The following PON3 variants were observed in gnomAD, a reference collection of about 807,000 sequenced individuals.
The protein encoded by PON3 is paraoxonase 3, also known as serum paraoxonase/lactonase 3.
PON3 carries 37 observed loss-of-function variants against 36.3 expected under a neutral mutation model. The ratio of observed to expected loss-of-function variants is 1.02; its 90% confidence interval spans 0.78 to 1.34. PON3 has a LOEUF of 1.34. Among genes scored for constraint, PON3 ranks in the 40% most tolerant of loss-of-function variants. The pLI is 0.00. For missense variants in PON3, 415 were observed against 426.5 expected, an observed-to-expected ratio of 0.97 and a Z score of 0.24; for synonymous variants, 155 against 154.8, an observed-to-expected ratio of 1.00 and a Z score of -0.01.
intron 3 of PON3, among the ~76,000 whole-genome samples, chr7:95,388,057 C>T (rs770613786): frequency 1.6e-4 from 24 of 148,002 alleles, no homozygotes; most frequent in Admixed American, 2.7e-4. Flanking sequence ...CAATAACACT[C>T]AGGACATAGG....
intron 3 of PON3, among the ~76,000 whole-genome samples, chr7:95,373,855 C>T (rs1808860099): frequency 6.6e-6 from 1 of 152,110 alleles, no homozygotes; most frequent in African/African-American, 2.4e-5. Context: ...AGACTGGTAC[C>T]TGTCCGTAGC....
At chr7:95,360,364 T>G (rs889695308) in intron 8 of PON3, among the ~76,000 whole-genome samples, 2 of 152,156 alleles carry the variant, frequency 1.3e-5, no homozygotes, top group Non-Finnish European at 2.9e-5. Context: ...ACTTACACAA[T>G]TTTTTTAGTG....
intron 3 of PON3, among the ~76,000 whole-genome samples, chr7:95,376,055 G>A (rs1808907190): frequency 6.6e-6 from 1 of 152,194 alleles, no homozygotes; most frequent in Admixed American, 6.5e-5. Flanking sequence ...TTGAGTTCAA[G>A]GATCTTGAAA....
intron 8 of PON3, among the ~76,000 whole-genome samples, chr7:95,361,562 C>T (rs1272086731): frequency 1.3e-5 from 2 of 152,134 alleles, no homozygotes; most frequent in Non-Finnish European, 2.9e-5. Context: ...TTCAAAGTTA[C>T]TATGTAATTT....
intron 3 of PON3, among the ~76,000 whole-genome samples, chr7:95,377,903 T>A (rs1033114257): frequency 2.0e-5 from 3 of 152,158 alleles, no homozygotes; most frequent in African/African-American, 7.2e-5. Flanking sequence ...GGATGAAGAA[T>A]GAGTTTGACA....
chr7:95,379,324 T>G (rs1437975323), intron 3 of PON3, among the ~76,000 whole-genome samples: 5 of 152,148 alleles, frequency 3.3e-5, no homozygotes, highest in African/African-American at 1.2e-4. Context: ...AGGTACCGGG[T>G]TCATCTCACT....
Position 95,380,338 on chromosome 7 carries a change from C to A in PON3, c.202-8000G>T, listed in dbSNP as rs534262950. On this transcript the variant is annotated intron_variant, in intron 3 of 8. Transcript: ENST00000265627. Reference sequence around the variant, plus strand: ...ATGCAGCTCCTCACCAGCAATGGAACAAAGCTGGATGGAAAAGGACTTTGA... The same window carrying A: ...ATGCAGCTCCTCACCAGCAATGGAAAAAAGCTGGATGGAAAAGGACTTTGA... Among the ~76,000 whole-genome samples, 6 of 152,276 alleles carry A rather than the reference C, an allele frequency of 3.9e-5. No individual in the cohort carries two copies. The South Asian group carries it at 1.0e-3, about 26-fold the overall frequency.
intron 3 of PON3, among the ~76,000 whole-genome samples, chr7:95,373,436 G>A (rs1166670329): frequency 6.6e-6 from 1 of 152,088 alleles, no homozygotes; most frequent in East Asian, 1.9e-4. Context: ...AGGGAAACCT[G>A]GCTTTTCCCA....
chr7:95,396,045 T>C, intron 1 of PON3: 1 of 582,870 alleles, frequency 1.7e-6, no homozygotes. Context: ...TGGGGGATCA[T>C]AACCTTCAAA....
At position 95,367,376 on chromosome 7, in the gene PON3, A is replaced by G. The variant is rs756939899; in HGVS notation, c.480T>C (p.His160=). The G allele has an allele frequency of 1.2e-6, 2 of 1,612,806 alleles. No individual in the cohort carries two copies. Among genetic ancestry groups the G allele is most frequent in the South Asian group, 1.1e-5 (1 of 91,080 alleles). The change falls in exon 5 of 9, where the codon CAT becomes CAC. Residue 160 remains histidine, a synonymous_variant. Transcript: ENST00000265627. ...TCATTCCATACCTTTTGAGAAGTTC[A>G]TGTTTTATAGTTTTCAGGTATACCA... ...RSLVYLKTIK[H]ELLKSVNDIV... is the part of the protein sequence containing the mutation.
chr7:95,390,230 C>T lies in PON3; in HGVS notation c.146-21G>A, dbSNP rs771201296. 6 of 1,574,096 alleles carry T rather than the reference C, an allele frequency of 3.8e-6. No individual in the cohort carries two copies. In the East Asian group the frequency reaches 1.3e-4, roughly 35 times the overall value. ...ACTTTCTGCAAAAGAAGGGTAGAAT[C>T]AGAAAAATGCATATATGAAGGCTTA... On this transcript the variant is annotated intron_variant, in intron 2 of 8. Coordinates refer to ENST00000265627, the MANE Select transcript of PON3 (RefSeq NM_000940.3).
intron 3 of PON3, among the ~76,000 whole-genome samples, chr7:95,383,522 A>G (rs1809113280): frequency 6.6e-6 from 1 of 152,228 alleles, no homozygotes; most frequent in Non-Finnish European, 1.5e-5. Flanking sequence ...ATACAAAATC[A>G]ATGTGCAAAA....
At chr7:95,380,695 G>T (rs1809030999) in intron 3 of PON3, among the ~76,000 whole-genome samples, 1 of 152,196 alleles carries the variant, frequency 6.6e-6, no homozygotes, top group South Asian at 2.1e-4. Context: ...AGAAATATGG[G>T]ACTATGTGAA....
chr7:95,381,733 G>C (rs1809059693), intron 3 of PON3, among the ~76,000 whole-genome samples: 1 of 152,164 alleles, frequency 6.6e-6, no homozygotes, highest in Non-Finnish European at 1.5e-5. Context: ...AAGAGACTTA[G>C]ACTCCCACAC....
chr7:95,384,801 G>T (rs149954650), intron 3 of PON3, among the ~76,000 whole-genome samples: 8,602 of 152,180 alleles, frequency 0.057, 813 homozygotes, highest in African/African-American at 0.2. Flanking sequence ...ATTCCTCAGG[G>T]ATCTAGAACT....
chr7:95,373,761 G>C (rs981286841), intron 3 of PON3, among the ~76,000 whole-genome samples: 20 of 152,052 alleles, frequency 1.3e-4, no homozygotes, highest in African/African-American at 4.8e-4. Flanking sequence ...CATTATGATA[G>C]GCAATCTATT....
intron 5 of PON3, chr7:95,364,340 G>A (rs1808644463): frequency 2.1e-6 from 1 of 469,558 alleles, no homozygotes; most frequent in East Asian, 4.2e-5. Flanking sequence ...AAAATCTGTT[G>A]ACTTGTAAAT....
chr7:95,377,508 C>T (rs1459387192), intron 3 of PON3: 6 of 378,964 alleles, frequency 1.6e-5, no homozygotes, highest in Non-Finnish European at 2.6e-5. Flanking sequence ...CTGGGAGACA[C>T]CTCCCAGTAG....
chr7:95,379,417 C>T (rs906195042), intron 3 of PON3, among the ~76,000 whole-genome samples: 9 of 152,358 alleles, frequency 5.9e-5, no homozygotes, highest in East Asian at 1.9e-4. Flanking sequence ...TCACCTCAGC[C>T]GGGAAGTGCA....
Sources: gnomAD v4.1 joint callset for allele counts (sites outside exome capture counted in the v4.1 genomes callset) on GRCh38, gnomAD v4.1.1 for gene constraint, MANE v1.5 for transcripts, NCBI Gene and HGNC (gene_info 2026-07-23, HGNC 2026-07-21) for gene names.